FCRL4: variants seen among roughly 807,000 people sequenced by gnomAD.
FCRL4 encodes Fc receptor-like protein 4.
Under a neutral mutation model 64.1 loss-of-function variants are expected in FCRL4, and 43 were observed. That is an observed-to-expected ratio of 0.67 (90% CI 0.53 to 0.87). FCRL4 has a LOEUF of 0.87. Ranked by LOEUF, FCRL4 falls within the 40% of genes least tolerant of loss-of-function variation. FCRL4 has a pLI of 0.00. For synonymous variants in FCRL4, 253 were observed against 239.8 expected, an observed-to-expected ratio of 1.05 and a Z score of -0.51; for missense variants, 656 against 613.5, an observed-to-expected ratio of 1.07 and a Z score of -0.73.
At chr1:157,584,012 G>A (rs560459260) in intron 6 of FCRL4, among the ~76,000 whole-genome samples, 2 of 152,238 alleles carry the variant, frequency 1.3e-5, no homozygotes, top group South Asian at 2.1e-4. Context: ...ATGTGAAGTG[G>A]CCAGTTCACT....
rs1652355457 is a variant in FCRL4 at position 157,574,403 on chromosome 1, T to A, written c.*1121A>T. ...GTTTTAACACTTGGGGCATGGATAATTTGTAGGTGGTATTGTACACTTCCA... is the reference window on the plus strand; with the variant it reads ...GTTTTAACACTTGGGGCATGGATAAATTGTAGGTGGTATTGTACACTTCCA... On this transcript the variant is annotated 3_prime_UTR_variant, in exon 12 of 12. Transcript: ENST00000271532. The A allele has an allele frequency of 4.7e-6, 1 of 212,808 alleles. No homozygotes were observed. Among genetic ancestry groups the A allele is most frequent in the Non-Finnish European group, 9.5e-6 (1 of 105,258 alleles). 13.2% of individuals were successfully genotyped at this position (212,808 alleles called of 1,614,324 possible).
intron 6 of FCRL4, among the ~76,000 whole-genome samples, chr1:157,582,699 C>T (rs1652588613): frequency 6.6e-6 from 1 of 152,132 alleles, no homozygotes; most frequent in Non-Finnish European, 1.5e-5. Flanking sequence ...TGATATTATC[C>T]TTCCCTCCTC....
chr1:157,593,028 T>C (rs992019385), intron 2 of FCRL4, among the ~76,000 whole-genome samples: 2 of 152,070 alleles, frequency 1.3e-5, no homozygotes, highest in African/African-American at 4.8e-5. Flanking sequence ...TAGGTGGGAA[T>C]TGAACAATGA....
intron 2 of FCRL4, among the ~76,000 whole-genome samples, chr1:157,595,502 C>G (rs769211564): frequency 6.6e-6 from 1 of 152,202 alleles, no homozygotes. Context: ...TCATGGCCTT[C>G]GTGTGTTTGA....
At position 157,594,533 on chromosome 1, in the gene FCRL4, A is replaced by G. The variant is rs368429889; in HGVS notation, c.52+1795T>C. 3.7e-4 allele frequency among the ~76,000 whole-genome samples: 57 copies of G among 152,340 alleles called. No homozygotes were observed. The South Asian group carries it at 0.011, about 30-fold the overall frequency. ...TAACTTCTGTGAAGTAGAAAATAAAACAAATTGTTTTCATTTGTATTAATT... is the reference window on the plus strand; with the variant it reads ...TAACTTCTGTGAAGTAGAAAATAAAGCAAATTGTTTTCATTTGTATTAATT... On this transcript the variant is annotated intron_variant, in intron 2 of 11. Coordinates refer to ENST00000271532, the MANE Select transcript of FCRL4 (RefSeq NM_031282.3).
At chr1:157,591,201 G>A (rs140875476) in intron 2 of FCRL4, among the ~76,000 whole-genome samples, 90 of 152,306 alleles carry the variant, frequency 5.9e-4, no homozygotes, top group Non-Finnish European at 8.7e-4. Flanking sequence ...GGTTACACCC[G>A]TCAGTCTTCT....
At position 157,588,882 on chromosome 1, in the gene FCRL4, A is replaced by G. The variant is rs930152034; in HGVS notation, c.307+322T>C. ...GCACTTTTGTCCTCAGCACATTTAC[A>G]TGTGTGTAATTTCTCCCTTATGAGG... On this transcript the variant is annotated intron_variant, in intron 3 of 11. Coordinates refer to ENST00000271532, the MANE Select transcript of FCRL4 (RefSeq NM_031282.3). Among the ~76,000 whole-genome samples, 90 of 152,186 alleles carry G rather than the reference A, an allele frequency of 5.9e-4. 3 individuals are homozygous for G. The highest frequency in any genetic ancestry group is 1.9e-4 in the Non-Finnish European group (13 of 68,040).
rs72007539 is a variant in FCRL4, at chr1:157,585,344, C to CTTTCTTTCTT, written c.1135+823_1135+824insAAGAAAGAAA. Among the ~76,000 whole-genome samples the CTTTCTTTCTT allele has an allele frequency of 2.1e-3, 172 of 81,300 alleles. 3 individuals carry two copies. The highest frequency in any genetic ancestry group is 3.2e-3 in the South Asian group (6 of 1,868). 53.3% of individuals were successfully genotyped at this position (81,300 alleles called of 152,430 possible). ...CTTCCTTCTCTCTTTCTTTCTCTCT[C>CTTTCTTTCTT]TCTTTCTTTCTTTCTTTCTTTCTTT... On this transcript the variant is annotated intron_variant, in intron 6 of 11. Transcript: ENST00000271532.
rs1445720800 is a variant in FCRL4 at position 157,581,795 on chromosome 1, G to GA, written c.1136-152dup. ...GACATCTTGGGCCAGGTTTTGGCCA[G>GA]AAAAGCTCACATTGGGTGGGCCAGG... On this transcript the variant is annotated intron_variant, in intron 6 of 11. Coordinates refer to ENST00000271532, the MANE Select transcript of FCRL4 (RefSeq NM_031282.3). 84 of 607,516 alleles carry GA rather than the reference G, an allele frequency of 1.4e-4. No individual in the cohort carries two copies. The East Asian group carries it at 2.3e-3, about 17-fold the overall frequency. 37.6% of individuals were successfully genotyped at this position (607,516 alleles called of 1,614,324 possible). A position where few individuals can be genotyped will look rare whatever the true frequency, so the allele number is the denominator to read the frequency against.
Position 157,575,295 on chromosome 1 carries a change from CTCTT to C in FCRL4, c.*225_*228del, listed in dbSNP as rs141219629. On this transcript the variant is annotated 3_prime_UTR_variant, in exon 12 of 12. Coordinates refer to ENST00000271532, the MANE Select transcript of FCRL4 (RefSeq NM_031282.3). ...CCCACAGCAAATACTACAGGGTCTT[CTCTT>C]AACTGTGGATCCTGGTCATTTTAGT... is the stretch of plus-strand genomic sequence containing the variant. 1 of 559,228 alleles carries C rather than the reference CTCTT, an allele frequency of 1.8e-6. No homozygotes were observed. The highest frequency in any genetic ancestry group is 1.9e-5 in the African/African-American group (1 of 53,276). The allele number at this position is 559,228 out of a possible 1,614,324, so 34.6% of individuals were successfully genotyped here. A position where few individuals can be genotyped will look rare whatever the true frequency, so the allele number is the denominator to read the frequency against.
At position 157,587,554 on chromosome 1, in the gene FCRL4, A is replaced by G. The variant is rs1333830783; in HGVS notation, c.569T>C (p.Phe190Ser). 1.2e-6 allele frequency: 2 copies of G among 1,613,466 alleles called. No homozygotes were observed. Among genetic ancestry groups the G allele is most frequent in the Non-Finnish European group, 1.7e-6 (2 of 1,179,996 alleles). ...NFKIIKIQEL[F>S]PHPELKATDS... ...TGTAGCTTTCAGCTCTGGATGTGGA[A>G]ATAGTTCTAGAGAGAAGAGGTAAGT... The change falls in exon 5 of 12, where the codon TTT becomes TCT. Residue 190 changes from phenylalanine (F) to serine (S), a missense_variant. Transcript: ENST00000271532.
chr1:157,578,722 C>T, intron 9 of FCRL4, 48 bp downstream of exon 9: 1 of 1,585,454 alleles, frequency 6.3e-7, no homozygotes, highest in Non-Finnish European at 8.7e-7. Context: ...AGCGCATTAT[C>T]TTTCCATGGC....
At chr1:157,585,348 T>TCTTTC (rs1558155010) in intron 6 of FCRL4, among the ~76,000 whole-genome samples, 1 of 60,936 alleles carries the variant, frequency 1.6e-5, no homozygotes, top group Non-Finnish European at 3.0e-5. Flanking sequence ...CTCTCTCTCT[T>TCTTTC]TCTTTCTTTC....
intron 6 of FCRL4, 29 bp from the exon 7 acceptor site, chr1:157,581,673 A>C: frequency 4.7e-4 from 712 of 1,527,282 alleles, no homozygotes; most frequent in Non-Finnish European, 5.9e-4. Context: ...TGTGAATCTC[A>C]GTGGAGAGGT....
intron 8 of FCRL4, among the ~76,000 whole-genome samples, 176 bp from the exon 9 acceptor site, chr1:157,579,028 CTG>C (rs926815776): frequency 2.6e-5 from 4 of 152,178 alleles, no homozygotes; most frequent in African/African-American, 7.2e-5. Flanking sequence ...TAGAGTGAGA[CTG>C]TTCTTTTTAA....
chr1:157,585,395 CTTCT>C (rs1171212642), intron 6 of FCRL4, among the ~76,000 whole-genome samples: 20 of 80,838 alleles, frequency 2.5e-4, no homozygotes, highest in South Asian at 4.0e-4. Flanking sequence ...TCTTTCTTTC[CTTCT>C]TTCTTTCTTT....
In FCRL4 at chr1:157,575,659, G is replaced by A. The variant is rs887548684; in HGVS notation, c.1461+40C>T. 3.7e-6 allele frequency: 6 copies of A among 1,612,208 alleles called. No individual in the cohort carries two copies. In the Admixed American group the frequency reaches 8.3e-5, roughly 22 times the overall value. Reference sequence around the variant, plus strand: ...AACCGAGAGGGAGTGTGAGGCTGCAGGTAATGGTGGAGATAAAACTGTGGG... The same window carrying A: ...AACCGAGAGGGAGTGTGAGGCTGCAAGTAATGGTGGAGATAAAACTGTGGG... On this transcript the variant is annotated intron_variant, in intron 11 of 11. Transcript: ENST00000271532.
intron 4 of FCRL4, 68 bp downstream of exon 4, chr1:157,587,797 T>C: frequency 6.9e-7 from 1 of 1,456,604 alleles, no homozygotes; most frequent in South Asian, 1.3e-5. Context: ...CCGTAAATTC[T>C]TTCCTTACAT....
chr1:157,589,135 G>A, intron 3 of FCRL4, 69 bp downstream of exon 3: 2 of 1,530,854 alleles, frequency 1.3e-6, no homozygotes, highest in Non-Finnish European at 1.8e-6. Context: ...CCAGTTCGTG[G>A]AATCTCCAGG....
Sources: gnomAD v4.1 joint callset for allele counts (sites outside exome capture counted in the v4.1 genomes callset) on GRCh38, gnomAD v4.1.1 for gene constraint, MANE v1.5 for transcripts, NCBI Gene and HGNC (gene_info 2026-07-23, HGNC 2026-07-21) for gene names.